TCL1A: variants seen among roughly 807,000 people sequenced by gnomAD.
The protein encoded by TCL1A is T-cell leukemia/lymphoma protein 1A.
A neutral mutation model predicts 16.9 loss-of-function variants in TCL1A; 9 were observed. That is an observed-to-expected ratio of 0.53 (90% CI 0.32 to 0.93). The LOEUF (loss-of-function observed/expected upper bound fraction) is 0.93. Ranked by LOEUF, TCL1A falls within the 40% of genes least tolerant of loss-of-function variation. The pLI, the probability that TCL1A is intolerant of heterozygous loss-of-function variation, is 0.04. For missense variants in TCL1A, 139 were observed against 153.0 expected, an observed-to-expected ratio of 0.91 and a Z score of 0.48; for synonymous variants, 69 against 63.2, an observed-to-expected ratio of 1.09 and a Z score of -0.44.
At position 95,712,103 on chromosome 14, in the gene TCL1A, C is replaced by T. The variant is rs536046384; in HGVS notation, c.297+117G>A. On this transcript the variant is annotated intron_variant, in intron 2 of 3. Transcript: ENST00000402399. The stretch of plus-strand genomic sequence containing the variant: ...TTTAGAAATCTGCACTTGTACATTT[C>T]CCCCATTTTTTAATGCTTTTGGGAC... 8.8e-4 allele frequency: 1,125 copies of T among 1,282,856 alleles called. 1 individual carries two copies. Among genetic ancestry groups the T allele is most frequent in the Middle Eastern group, 1.6e-3 (7 of 4,368 alleles). The allele number at this position is 1,282,856 out of a possible 1,614,324, so 79.5% of individuals were successfully genotyped here.
At chr14:95,712,542 GAAGCTCACTTCCTTAGGCC>G in intron 1 of TCL1A, 146 bp from the exon 2 acceptor site, 1 of 1,472,588 alleles carries the variant, frequency 6.8e-7, no homozygotes. Flanking sequence ...ACTGTTCCCT[GAAGCTCACTTCCTTAGGCC>G]ATGCATGCTC....
rs755930947 is a variant in TCL1A, at chr14:95,714,079, C to G, written c.-13G>C. 5 of 1,612,988 alleles carry G rather than the reference C, an allele frequency of 3.1e-6. No homozygotes were observed. Among genetic ancestry groups the G allele is most frequent in the Non-Finnish European group, 4.2e-6 (5 of 1,179,896 alleles). On this transcript the variant is annotated 5_prime_UTR_variant, in exon 1 of 4. Coordinates refer to ENST00000402399, the MANE Select transcript of TCL1A (RefSeq NM_021966.3). ...GGCACTCGGCCATGGCGTCCTCGGG[C>G]CGCCTAAGAAGCAAGAGCCAGAGCC...
At position 95,710,425 on chromosome 14, in the gene TCL1A, T is replaced by C. The variant is rs2139718564; in HGVS notation, c.*463A>G. On this transcript the variant is annotated 3_prime_UTR_variant, in exon 4 of 4. Coordinates refer to ENST00000402399, the MANE Select transcript of TCL1A (RefSeq NM_021966.3). ...CGGCAGGCAGCGTTTGCAGGCGTGT[T>C]TACATGCAGGCGTAGCACCATGTGA... The C allele has an allele frequency of 1.9e-5, 3 of 155,502 alleles. No individual in the cohort carries two copies. The South Asian group carries it at 5.8e-4, about 30-fold the overall frequency. The allele number at this position is 155,502 out of a possible 1,614,324, so 9.6% of individuals were successfully genotyped here.
chr14:95,712,756 A>C, intron 1 of TCL1A: 1 of 1,065,326 alleles, frequency 9.4e-7, no homozygotes, highest in Non-Finnish European at 1.3e-6. Context: ...AGCCTGGGTC[A>C]CAGAGCGAGA....
At chr14:95,713,732 C>G (rs577371696) in intron 1 of TCL1A, among the ~76,000 whole-genome samples, 1 of 152,316 alleles carries the variant, frequency 6.6e-6, no homozygotes, top group Non-Finnish European at 1.5e-5. Context: ...TGGGTCCACC[C>G]CTTTGACCGA....
chr14:95,713,114 C>G (rs901749338), intron 1 of TCL1A, among the ~76,000 whole-genome samples: 3 of 152,112 alleles, frequency 2.0e-5, no homozygotes, highest in African/African-American at 7.2e-5. Flanking sequence ...GGTTAAGAGC[C>G]TAGAATTCCA....
At chr14:95,711,112 C>T (rs947195435) in intron 3 of TCL1A, among the ~76,000 whole-genome samples, 2 of 152,028 alleles carry the variant, frequency 1.3e-5, no homozygotes, top group East Asian at 1.9e-4. Flanking sequence ...AACTCAATAG[C>T]GTATCTAATA....
intron 1 of TCL1A, among the ~76,000 whole-genome samples, chr14:95,713,366 A>C (rs138967660): frequency 6.6e-6 from 1 of 152,350 alleles, no homozygotes; most frequent in African/African-American, 2.4e-5. Flanking sequence ...TATTTCTTTA[A>C]CAAAAACTTA....
At chr14:95,713,709 A>G (rs1054995212) in intron 1 of TCL1A, among the ~76,000 whole-genome samples, 2 of 152,142 alleles carry the variant, frequency 1.3e-5, no homozygotes, top group East Asian at 1.9e-4. Flanking sequence ...TTATAGTCAC[A>G]CTCCACAGGC....
chr14:95,712,347 A>G lies in TCL1A; in HGVS notation c.170T>C (p.Val57Ala), dbSNP rs763913610. ...GGTGGGGGTCATAGGCCTCCCCAGG[A>G]CGACGTCTTCCCGACGCAAGAGCAC... Reference protein sequence around the residue: ...LRVLLRREDVVLGRPMTPTQI... With the variant: ...LRVLLRREDVALGRPMTPTQI... The change falls in exon 2 of 4, where the codon GTC becomes GCC. Residue 57 changes from valine (V) to alanine (A), a missense_variant. Coordinates refer to ENST00000402399, the MANE Select transcript of TCL1A (RefSeq NM_021966.3). 1.2e-6 allele frequency: 2 copies of G among 1,613,862 alleles called. No individual in the cohort carries two copies. Among genetic ancestry groups the G allele is most frequent in the Non-Finnish European group, 1.7e-6 (2 of 1,179,802 alleles).
In TCL1A at chr14:95,714,076, G is replaced by C. The variant is rs202169011; in HGVS notation, c.-10C>G. ...TCGGGCACTCGGCCATGGCGTCCTC[G>C]GGCCGCCTAAGAAGCAAGAGCCAGA... On this transcript the variant is annotated 5_prime_UTR_variant, in exon 1 of 4. Coordinates refer to ENST00000402399, the MANE Select transcript of TCL1A (RefSeq NM_021966.3). 19 of 1,613,150 alleles carry C rather than the reference G, an allele frequency of 1.2e-5. No homozygotes were observed. The highest frequency in any genetic ancestry group is 8.9e-5 in the East Asian group (4 of 44,870).
chr14:95,710,153 G>A lies in TCL1A; in HGVS notation c.*735C>T, dbSNP rs1006033613. On this transcript the variant is annotated 3_prime_UTR_variant, in exon 4 of 4. Transcript: ENST00000402399. ...AGGTGCGTGACCATCTATAAAAGGG[G>A]GGAAACCCAACCTCTATCCCTTTTC... is the stretch of plus-strand genomic sequence containing the variant. The A allele has an allele frequency of 6.6e-6, 1 of 152,196 alleles. No homozygotes were observed. The highest frequency in any genetic ancestry group is 1.5e-5 in the Non-Finnish European group (1 of 68,042). 9.4% of individuals were successfully genotyped at this position (152,196 alleles called of 1,614,324 possible).
At chr14:95,712,124 G>T (rs1886372100) in intron 2 of TCL1A, 96 bp downstream of exon 2, 1 of 1,428,674 alleles carries the variant, frequency 7.0e-7, no homozygotes, top group South Asian at 1.2e-5. Flanking sequence ...TAATGCTTTT[G>T]GGACTGGGAT....
chr14:95,714,062 GC>G lies in TCL1A; in HGVS notation c.4del (p.Ala2ProfsTer36). On this transcript the variant is annotated frameshift_variant, in exon 1 of 4. Coordinates refer to ENST00000402399, the MANE Select transcript of TCL1A (RefSeq NM_021966.3). LOFTEE classifies it high-confidence loss of function. M[A>X]ECPTLGEAVT... ...TGCCTCCCCGAGTGTCGGGCACTCGGCCATGGCGTCCTCGGGCCGCCTAAGA... is the reference window on the plus strand; with the variant it reads ...TGCCTCCCCGAGTGTCGGGCACTCGGCATGGCGTCCTCGGGCCGCCTAAGA... The G allele has an allele frequency of 6.2e-7, 1 of 1,613,626 alleles. No individual in the cohort carries two copies. Among genetic ancestry groups the G allele is most frequent in the South Asian group, 1.1e-5 (1 of 91,056 alleles).
chr14:95,712,632 C>T lies in TCL1A; in HGVS notation c.121-236G>A, dbSNP rs753154908. 6.8e-6 allele frequency: 10 copies of T among 1,475,226 alleles called. No individual in the cohort carries two copies. In the African/African-American group the frequency reaches 1.3e-4, roughly 19 times the overall value. The allele number at this position is 1,475,226 out of a possible 1,614,324, so 91.4% of individuals were successfully genotyped here. A position where few individuals can be genotyped will look rare whatever the true frequency, so the allele number is the denominator to read the frequency against. ...ACACACACGTGTCTAGCCACCCAGA[C>T]AGGGCCATGAAAGGCACACTTTTTT... On this transcript the variant is annotated intron_variant, in intron 1 of 3. Coordinates refer to ENST00000402399, the MANE Select transcript of TCL1A (RefSeq NM_021966.3).
chr14:95,713,645 C>G (rs1234657099), intron 1 of TCL1A, among the ~76,000 whole-genome samples: 2 of 152,240 alleles, frequency 1.3e-5, no homozygotes, highest in South Asian at 2.1e-4. Context: ...TTAGAGATAC[C>G]CATTTTTAAG....
At position 95,713,863 on chromosome 14, in the gene TCL1A, T is replaced by C. The variant is rs568560767; in HGVS notation, c.120+84A>G. 45 of 1,577,506 alleles carry C rather than the reference T, an allele frequency of 2.9e-5. 1 individual carries two copies. The Admixed American group carries it at 6.1e-4, about 22-fold the overall frequency. On this transcript the variant is annotated intron_variant, in intron 1 of 3. Transcript: ENST00000402399. ...CTCCCTGCCCCATAGTGAGTGCTCC[T>C]TGAGTCCTCGCCCTTCCTAGGGCAT... is the stretch of plus-strand genomic sequence containing the variant.
rs372143792 is a variant in TCL1A at position 95,712,367 on chromosome 14, G to T, written c.150C>A (p.Leu50=). 3 of 1,613,264 alleles carry T rather than the reference G, an allele frequency of 1.9e-6. No homozygotes were observed. The African/African-American group carries it at 4.0e-5, about 22-fold the overall frequency. The change falls in exon 2 of 4, where the codon CTC becomes CTA. Residue 50 remains leucine, a synonymous_variant. Coordinates refer to ENST00000402399, the MANE Select transcript of TCL1A (RefSeq NM_021966.3). Reference sequence around the variant, plus strand: ...CCAGGACGACGTCTTCCCGACGCAAGAGCACCCGTAACTGTAACCTATCCT... The same window carrying T: ...CCAGGACGACGTCTTCCCGACGCAATAGCACCCGTAACTGTAACCTATCCT... The part of the protein sequence containing the change: ...EIKDRLQLRV[L]LRREDVVLGR...
intron 1 of TCL1A, among the ~76,000 whole-genome samples, chr14:95,713,699 T>G (rs145593726): frequency 6.6e-6 from 1 of 152,286 alleles, no homozygotes; most frequent in Non-Finnish European, 1.5e-5. Flanking sequence ...GTAGTCAACA[T>G]TATAGTCACA....
Sources: allele counts gnomAD v4.1 joint callset (sites outside exome capture counted in the v4.1 genomes callset), GRCh38; gene constraint gnomAD v4.1.1; transcripts MANE v1.5; gene names NCBI Gene and HGNC (gene_info 2026-07-23, HGNC 2026-07-21).